CNTN4: variants seen among roughly 807,000 people sequenced by gnomAD.
CNTN4 encodes contactin 4.
CNTN4 carries 77 observed loss-of-function variants against 122.5 expected under a neutral mutation model. The observed-to-expected ratio is 0.63, with a 90% CI of 0.52 to 0.76. The LOEUF (loss-of-function observed/expected upper bound fraction) is 0.76. CNTN4 is among the 30% of genes least tolerant of loss of function. The pLI, the probability that CNTN4 is intolerant of heterozygous loss-of-function variation, is 0.00. For missense variants in CNTN4, 1,256 were observed against 1,259.1 expected (o/e 1.00, Z 0.04); for synonymous variants, 512 against 447.0 (o/e 1.15, Z -1.83).
chr3:3,026,013 T>A (rs1338854346), intron 14 of CNTN4, 89 bp from the exon 15 acceptor site: 4 of 1,276,362 alleles, frequency 3.1e-6, no homozygotes, highest in Non-Finnish European at 4.5e-6. Context: ...TACTTAGTAT[T>A]TCATCCTGCT....
intron 6 of CNTN4, among the ~76,000 whole-genome samples, chr3:2,791,612 C>T (rs2092014430): frequency 6.6e-6 from 1 of 152,004 alleles, no homozygotes; most frequent in African/African-American, 2.4e-5. Flanking sequence ...AAGAAGAATG[C>T]AAACCTGATG....
chr3:2,293,962 A>C (rs1267555491), intron 2 of CNTN4, among the ~76,000 whole-genome samples: 2 of 152,106 alleles, frequency 1.3e-5, no homozygotes, highest in Non-Finnish European at 2.9e-5. Context: ...GCTGATGTTT[A>C]CCCTGGTCTT....
At chr3:2,466,647 A>G (rs1363886534) in intron 3 of CNTN4, among the ~76,000 whole-genome samples, 1 of 152,128 alleles carries the variant, frequency 6.6e-6, no homozygotes, top group Non-Finnish European at 1.5e-5. Flanking sequence ...CATAGCTGTA[A>G]CTGGTCATTT....
chr3:2,186,057 T>A (rs1011095943), intron 2 of CNTN4, among the ~76,000 whole-genome samples: 3 of 152,176 alleles, frequency 2.0e-5, no homozygotes, highest in Non-Finnish European at 4.4e-5. Context: ...GTTAGGTATG[T>A]CTTCTAATGC....
At chr3:2,883,946 G>A (rs954098577) in intron 9 of CNTN4, among the ~76,000 whole-genome samples, 1 of 152,172 alleles carries the variant, frequency 6.6e-6, no homozygotes, top group Non-Finnish European at 1.5e-5. Flanking sequence ...GGCATAAACA[G>A]TATAAACTAT....
At chr3:2,877,893 A>G (rs541793550) in intron 8 of CNTN4, among the ~76,000 whole-genome samples, 1 of 152,330 alleles carries the variant, frequency 6.6e-6, no homozygotes, top group Admixed American at 6.5e-5. Context: ...AAAGGCCAAA[A>G]TAGTTAAAAT....
At chr3:2,790,174 G>A (rs1417488255) in intron 6 of CNTN4, among the ~76,000 whole-genome samples, 1 of 152,234 alleles carries the variant, frequency 6.6e-6, no homozygotes, top group African/African-American at 2.4e-5. Context: ...ACTGTAAGTG[G>A]TGAAGTTAGA....
chr3:2,333,168 T>C (rs1374277794), intron 2 of CNTN4, among the ~76,000 whole-genome samples: 1 of 152,214 alleles, frequency 6.6e-6, no homozygotes, highest in Non-Finnish European at 1.5e-5. Flanking sequence ...CCACTGCTGT[T>C]CTCAATCCCC....
At chr3:2,887,356 C>G in intron 10 of CNTN4, 132 bp downstream of exon 10, 1 of 854,654 alleles carries the variant, frequency 1.2e-6, no homozygotes, top group Non-Finnish European at 1.9e-6. Context: ...TCATGGTTTG[C>G]TCCATAATCA....
intron 3 of CNTN4, among the ~76,000 whole-genome samples, chr3:2,364,497 C>A (rs1222112142): frequency 1.3e-5 from 2 of 151,966 alleles, no homozygotes; most frequent in African/African-American, 4.8e-5. Context: ...TTTAAAAAAC[C>A]TCTCAAATGT....
At chr3:2,183,714 A>G (rs760862669) in intron 2 of CNTN4, among the ~76,000 whole-genome samples, 4 of 152,118 alleles carry the variant, frequency 2.6e-5, no homozygotes, top group Non-Finnish European at 5.9e-5. Context: ...TGATATCTGG[A>G]CTGTATATAA....
At chr3:2,689,643 T>C (rs1213128764) in intron 4 of CNTN4, among the ~76,000 whole-genome samples, 1 of 151,638 alleles carries the variant, frequency 6.6e-6, no homozygotes, top group African/African-American at 2.4e-5. Flanking sequence ...TGCAGGAGAG[T>C]AGTGGTTCAG....
chr3:3,031,228 G>A lies in CNTN4; in HGVS notation c.1783+253G>A, dbSNP rs11129386. 0.38 allele frequency among the ~76,000 whole-genome samples: 58,246 copies of A among 152,006 alleles called. 12,001 individuals carry two copies. The highest frequency in any genetic ancestry group is 0.55 in the Middle Eastern group (160 of 292). ...GGATAATTGAGTAAATCGAGTACCC[G>A]ATTACGGCTGTTGGAGTTGATATGA... On this transcript the variant is annotated intron_variant, in intron 16 of 24. Coordinates refer to ENST00000418658, the MANE Select transcript of CNTN4 (RefSeq NM_175607.3).
intron 3 of CNTN4, among the ~76,000 whole-genome samples, chr3:2,351,271 C>G (rs567450258): frequency 1.3e-5 from 2 of 152,080 alleles, no homozygotes; most frequent in East Asian, 1.9e-4. Flanking sequence ...TAAAATGTAC[C>G]CCAGATAACA....
intron 2 of CNTN4, among the ~76,000 whole-genome samples, chr3:2,278,344 C>A (rs2041595061): frequency 6.6e-6 from 1 of 152,212 alleles, no homozygotes; most frequent in Non-Finnish European, 1.5e-5. Flanking sequence ...CTACTTCACA[C>A]ATCCCAGTGA....
intron 6 of CNTN4, among the ~76,000 whole-genome samples, chr3:2,806,815 G>A (rs1190238363): frequency 2.6e-5 from 4 of 152,126 alleles, no homozygotes; most frequent in African/African-American, 4.8e-5. Flanking sequence ...GATGGGGGAC[G>A]AGAGCTGAGT....
At chr3:2,441,863 A>G (rs899954462) in intron 3 of CNTN4, among the ~76,000 whole-genome samples, 1 of 152,200 alleles carries the variant, frequency 6.6e-6, no homozygotes, top group African/African-American at 2.4e-5. Flanking sequence ...CCTGTGTAAA[A>G]TGAATTTTTA....
At chr3:2,520,973 C>T (rs2077190846) in intron 3 of CNTN4, among the ~76,000 whole-genome samples, 1 of 152,242 alleles carries the variant, frequency 6.6e-6, no homozygotes, top group South Asian at 2.1e-4. Flanking sequence ...AACAAAATTA[C>T]TACCCTTACG....
intron 3 of CNTN4, among the ~76,000 whole-genome samples, chr3:2,547,867 T>C (rs1575942131): frequency 6.6e-6 from 1 of 152,062 alleles, no homozygotes; most frequent in East Asian, 1.9e-4. Context: ...CCCCAGGAAA[T>C]TATTTCTTGT....
Sources: gnomAD v4.1 joint callset for allele counts (sites outside exome capture counted in the v4.1 genomes callset) on GRCh38, gnomAD v4.1.1 for gene constraint, MANE v1.5 for transcripts, NCBI Gene and HGNC (gene_info 2026-07-23, HGNC 2026-07-21) for gene names.